WWOX: variants seen among roughly 807,000 people sequenced by gnomAD.
WWOX encodes WW domain-containing oxidoreductase.
WWOX carries 69 observed loss-of-function variants against 46.2 expected under a neutral mutation model. That is an observed-to-expected ratio of 1.49 (90% CI 1.23 to 1.82). The LOEUF is 1.82. WWOX is among the 40% of genes most tolerant of loss of function. WWOX has a pLI of 0.00. For missense variants in WWOX, 919 were observed against 542.6 expected (o/e 1.69, Z -6.89); for synonymous variants, 359 against 202.6 (o/e 1.77, Z -6.56).
Position 79,211,850 on chromosome 16 carries a change from G to T in WWOX, c.*54G>T, listed in dbSNP as rs758601439. ...ACCCGCCCTGTGTGTGTCCCCTCACGCAAGTGCCAGGGCTGGGCCCCTTCC... is the reference window on the plus strand; with the variant it reads ...ACCCGCCCTGTGTGTGTCCCCTCACTCAAGTGCCAGGGCTGGGCCCCTTCC... On this transcript the variant is annotated 3_prime_UTR_variant, in exon 9 of 9. Transcript: ENST00000566780. 2.6e-4 allele frequency: 418 copies of T among 1,608,604 alleles called. 2 individuals carry two copies. The highest frequency in any genetic ancestry group is 1.8e-3 in the East Asian group (80 of 44,734).
intron 8 of WWOX, among the ~76,000 whole-genome samples, chr16:78,731,862 T>TTTG (rs34201735): frequency 0.05 from 6,834 of 136,528 alleles, 396 homozygotes; most frequent in African/African-American, 0.097. Context: ...TTTTTTTTTT[T>TTTG]TGAGAGACAG....
At chr16:79,053,751 C>A (rs1377153106) in intron 8 of WWOX, among the ~76,000 whole-genome samples, 1 of 152,090 alleles carries the variant, frequency 6.6e-6, no homozygotes, top group South Asian at 2.1e-4. Context: ...GAAGCTGTAC[C>A]TTAAGTTTAT....
chr16:78,730,745 C>T (rs1275253561), intron 8 of WWOX, among the ~76,000 whole-genome samples: 2 of 151,562 alleles, frequency 1.3e-5, no homozygotes, highest in African/African-American at 4.9e-5. Context: ...CAGGTATAAA[C>T]CACCAACCCA....
At chr16:78,594,605 C>T (rs1163757584) in intron 8 of WWOX, among the ~76,000 whole-genome samples, 1 of 151,992 alleles carries the variant, frequency 6.6e-6, no homozygotes, top group Non-Finnish European at 1.5e-5. Flanking sequence ...ACCTCCTTTC[C>T]TGGTTGTTTC....
intron 8 of WWOX, chr16:79,203,560 C>T (rs948653247): frequency 4.0e-5 from 6 of 148,224 alleles, no homozygotes; most frequent in Admixed American, 1.4e-4. Flanking sequence ...ATGGGGCATA[C>T]GTGTAAATGA....
intron 8 of WWOX, among the ~76,000 whole-genome samples, chr16:78,925,790 A>G (rs377393917): frequency 2.6e-5 from 4 of 152,182 alleles, no homozygotes; most frequent in South Asian, 4.1e-4. Flanking sequence ...GCTTTGGCCA[A>G]TAAGAAAGCA....
At position 79,211,711 on chromosome 16, in the gene WWOX, A is replaced by G. The variant is rs1316600993; in HGVS notation, c.1160A>G (p.Glu387Gly). 12 of 1,614,110 alleles carry G rather than the reference A, an allele frequency of 7.4e-6. No individual in the cohort carries two copies. The African/African-American group carries it at 1.6e-4, about 22-fold the overall frequency. ...TGCTGCCGCTGCATGCCCTCACCAG[A>G]AGCTCAGAGCGAAGAGACGGCCCGG... Reference protein sequence around the residue: ...NNCCRCMPSPEAQSEETARTL... With the variant: ...NNCCRCMPSPGAQSEETARTL... The change falls in exon 9 of 9, where the codon GAA becomes GGA. Residue 387 changes from glutamate to glycine, a missense_variant. By Grantham distance (98) the Glu-to-Gly change is moderately conservative. Coordinates refer to ENST00000566780, the MANE Select transcript of WWOX (RefSeq NM_016373.4).
chr16:78,632,639 A>C (rs993443256), intron 8 of WWOX, among the ~76,000 whole-genome samples: 1 of 137,150 alleles, frequency 7.3e-6, no homozygotes, highest in African/African-American at 2.7e-5. Context: ...GCTCCCTGCA[A>C]CCTCTGCCTC....
chr16:79,050,553 G>T (rs543124639), intron 8 of WWOX, among the ~76,000 whole-genome samples: 14 of 152,324 alleles, frequency 9.2e-5, no homozygotes, highest in South Asian at 8.3e-4. Context: ...GGATACTGCA[G>T]TCCCAAAGCC....
chr16:78,265,704 C>G (rs2079348513), intron 5 of WWOX, among the ~76,000 whole-genome samples: 1 of 149,338 alleles, frequency 6.7e-6, no homozygotes, highest in Non-Finnish European at 1.5e-5. Flanking sequence ...CAACAAAAAA[C>G]ACGAATATCT....
At chr16:78,503,836 G>A (rs1268360401) in intron 8 of WWOX, 2 of 152,158 alleles carry the variant, frequency 1.3e-5, no homozygotes, top group East Asian at 3.9e-4. Flanking sequence ...TTCCTCTCTA[G>A]CAAACAGTAG....
intron 8 of WWOX, among the ~76,000 whole-genome samples, chr16:78,915,150 C>T (rs569925875): frequency 6.6e-6 from 1 of 152,096 alleles, no homozygotes. Context: ...AAAAATTACT[C>T]TCCAGTTTTC....
At chr16:78,576,030 T>G (rs961338425) in intron 8 of WWOX, among the ~76,000 whole-genome samples, 54 of 152,196 alleles carry the variant, frequency 3.5e-4, no homozygotes, top group African/African-American at 1.3e-3. Flanking sequence ...TATGAGGCTT[T>G]TTTTAATCTA....
intron 8 of WWOX, chr16:79,206,557 C>G (rs1049886761): frequency 5.3e-5 from 8 of 152,194 alleles, no homozygotes; most frequent in African/African-American, 1.7e-4. Context: ...ATCGTAACCT[C>G]TCAATAAATG....
At chr16:79,210,673 G>A (rs1236401426) in intron 8 of WWOX, among the ~76,000 whole-genome samples, 3 of 152,126 alleles carry the variant, frequency 2.0e-5, no homozygotes, top group East Asian at 3.9e-4. Flanking sequence ...TTAGAGACGT[G>A]CCGACCATGT....
rs117893490 is a variant in WWOX at position 78,955,333 on chromosome 16, C to T, written c.1057-256275C>T. The stretch of plus-strand genomic sequence containing the variant: ...CACATACAACAACGTCAGTGAAATC[C>T]GTTGAGAGGAGCATTGAGGAGATGA... On this transcript the variant is annotated intron_variant, in intron 8 of 8. Coordinates refer to ENST00000566780, the MANE Select transcript of WWOX (RefSeq NM_016373.4). Among the ~76,000 whole-genome samples the T allele has an allele frequency of 4.7e-3, 716 of 152,254 alleles. 5 individuals carry two copies. Among genetic ancestry groups the T allele is most frequent in the African/African-American group, 0.012 (491 of 41,550 alleles).
intron 8 of WWOX, among the ~76,000 whole-genome samples, chr16:79,184,226 T>A (rs942964416): frequency 1.3e-5 from 2 of 152,192 alleles, no homozygotes; most frequent in African/African-American, 4.8e-5. Flanking sequence ...AGTGTAACAG[T>A]CTATAGTAAC....
intron 8 of WWOX, among the ~76,000 whole-genome samples, chr16:78,507,441 G>A (rs530401124): frequency 6.6e-6 from 1 of 152,298 alleles, no homozygotes; most frequent in Non-Finnish European, 1.5e-5. Flanking sequence ...TCATTTTACA[G>A]CTCTGGCATT....
At chr16:79,208,987 G>A (rs977814238) in intron 8 of WWOX, among the ~76,000 whole-genome samples, 1 of 152,186 alleles carries the variant, frequency 6.6e-6, no homozygotes, top group Non-Finnish European at 1.5e-5. Flanking sequence ...AAAGGTGGAC[G>A]ATTGATTTTT....
Sources: allele counts gnomAD v4.1 joint callset (sites outside exome capture counted in the v4.1 genomes callset), GRCh38; gene constraint gnomAD v4.1.1; transcripts MANE v1.5; gene names NCBI Gene and HGNC (gene_info 2026-07-23, HGNC 2026-07-21).